CD177: variants seen among roughly 807,000 people sequenced by gnomAD.
CD177 encodes the protein CD177 antigen.
CD177 carries 41 observed loss-of-function variants against 38.1 expected under a neutral mutation model. The observed-to-expected ratio is 1.07, with a 90% CI of 0.84 to 1.39. The LOEUF (loss-of-function observed/expected upper bound fraction) is 1.39, where lower values mean the gene tolerates loss of function less well. CD177 is among the 40% of genes most tolerant of loss of function. CD177 has a pLI of 0.00. For missense variants in CD177, 619 were observed against 523.8 expected (o/e 1.18, Z -1.77); for synonymous variants, 236 against 216.7 (o/e 1.09, Z -0.78).
intron 8 of CD177, 128 bp downstream of exon 8, chr19:43,361,707 G>A: frequency 1.0e-6 from 1 of 989,562 alleles, no homozygotes; most frequent in Non-Finnish European, 1.5e-6. Flanking sequence ...CTGGACTCCT[G>A]GTCCGAGGGA....
rs1216146402 is a variant in CD177 at position 43,361,257 on chromosome 19, A to G, written c.875A>G (p.His292Arg). 2 of 1,534,814 alleles carry G rather than the reference A, an allele frequency of 1.3e-6. No homozygotes were observed. The highest frequency in any genetic ancestry group is 1.8e-6 in the Non-Finnish European group (2 of 1,114,344). Residue 292 changes from histidine to arginine, a missense_variant, in exon 7 of 9, where the codon CAC (histidine) becomes CGC (arginine). Transcript: ENST00000618265. ...GGGGTGCTTGTGGCCTCCTATACCC[A>G]CTTCTGCTCCTCGGACCTGTGCAAT... ...PPGVLVASYT[H>R]FCSSDLCNSA...
rs1158331045 is a variant in CD177, at chr19:43,353,924, T to C, written c.124T>C (p.Trp42Arg). ...GAAGGTGTCCGACCTGCCCCGGCAATGGACCCCTAAGAACACCAGCTGCGA... is the reference window on the plus strand; with the variant it reads ...GAAGGTGTCCGACCTGCCCCGGCAACGGACCCCTAAGAACACCAGCTGCGA... ...VWKVSDLPRQ[W>R]TPKNTSCDSG... Residue 42 changes from tryptophan to arginine, a missense_variant, in exon 2 of 9, where the codon TGG becomes CGG. Coordinates refer to ENST00000618265, the MANE Select transcript of CD177 (RefSeq NM_020406.4). The C allele has an allele frequency of 2.5e-6, 4 of 1,613,702 alleles. No individual in the cohort carries two copies. The highest frequency in any genetic ancestry group is 1.3e-5 in the African/African-American group (1 of 74,848).
intron 2 of CD177, 24 bp downstream of exon 2, chr19:43,354,017 G>A: frequency 6.2e-7 from 1 of 1,608,078 alleles, no homozygotes; most frequent in Non-Finnish European, 8.5e-7. Flanking sequence ...GGCGTGCAGA[G>A]ACCCCGCCCT....
In CD177 at chr19:43,354,004, C is replaced by T. The variant is rs1238898141; in HGVS notation, c.193+11C>T. The T allele has an allele frequency of 2.5e-6, 4 of 1,612,430 alleles. No individual in the cohort carries two copies. Among genetic ancestry groups the T allele is most frequent in the Non-Finnish European group, 3.4e-6 (4 of 1,179,328 alleles). On this transcript the variant is annotated intron_variant, in intron 2 of 8. Transcript: ENST00000618265. ...TGCTCATTGAGAGCGGTGAGAAGGC[C>T]CTGGCGTGCAGAGACCCCGCCCTGT...
rs761564390 is a variant in CD177 at position 43,353,708 on chromosome 19, ACGGGT to A, written c.-5_-1del. On this transcript the variant is annotated 5_prime_UTR_variant, in exon 1 of 9. Transcript: ENST00000618265. ...AGCAGAAAGAGATTACCAGCCACAG[ACGGGT>A]CATGAGCGCGGTATTACTGCTGGCC... 8.7e-6 allele frequency: 14 copies of A among 1,613,818 alleles called. No individual in the cohort carries two copies. In the East Asian group the frequency reaches 2.9e-4, roughly 33 times the overall value.
chr19:43,355,809 G>T (rs1175488205), intron 4 of CD177, 26 bp downstream of exon 4: 1 of 1,612,830 alleles, frequency 6.2e-7, no homozygotes. Context: ...CGGGGTCCCT[G>T]TGGGGACTGA....
At chr19:43,354,848 G>C (rs1221344397) in intron 3 of CD177, among the ~76,000 whole-genome samples, 6 of 152,056 alleles carry the variant, frequency 3.9e-5, no homozygotes, top group Non-Finnish European at 8.8e-5. Context: ...TATTGGAACA[G>C]CTTGTGAACA....
At chr19:43,354,612 AT>A (rs1283570677) in intron 3 of CD177, 1 of 600,806 alleles carries the variant, frequency 1.7e-6, no homozygotes, top group East Asian at 2.8e-5. Flanking sequence ...CCACCCGGGA[AT>A]CCCCGCACCC....
In CD177 at chr19:43,362,155, C is replaced by T; in HGVS notation, c.1149C>T (p.His383=). The part of the protein sequence containing the change: ...VAQPSSFLLN[H]TRQIGIFSAR... ...AACCTTCCAGCTTCTTGTTGAACCA[C>T]ACCAGACAAATCGGGATCTTCTCTG... Residue 383 remains histidine, a synonymous_variant, in exon 9 of 9, where the codon CAC becomes CAT. Transcript: ENST00000618265. The T allele has an allele frequency of 6.2e-7, 1 of 1,613,770 alleles. No homozygotes were observed. Among genetic ancestry groups the T allele is most frequent in the East Asian group, 2.2e-5 (1 of 44,862 alleles).
chr19:43,354,618 G>T (rs1231279176), intron 3 of CD177: 1 of 593,660 alleles, frequency 1.7e-6, no homozygotes, highest in African/African-American at 1.9e-5. Context: ...GGGAATCCCC[G>T]CACCCCTCCT....
intron 3 of CD177, 157 bp downstream of exon 3, chr19:43,354,549 C>T: frequency 1.3e-6 from 1 of 741,274 alleles, no homozygotes; most frequent in South Asian, 1.7e-5. Context: ...ATCGCCCCGC[C>T]CCGCTCCCTT....
At position 43,354,359 on chromosome 19, in the gene CD177, T is replaced by G. The variant is rs777535860; in HGVS notation, c.346T>G (p.Ser116Ala). The part of the protein sequence containing the change: ...QEDFCNNLVN[S>A]LPLWAPQPPA... ...GGACTTCTGCAACAACCTCGTTAAC[T>G]CCCTCCCGCTTTGGGCCCCACAGCC... Residue 116 changes from serine to alanine, a missense_variant, in exon 3 of 9, where the codon TCC (serine) becomes GCC (alanine). By Grantham distance (99) the Ser-to-Ala change is moderately conservative (BLOSUM62 1). Transcript: ENST00000618265. The G allele has an allele frequency of 5.0e-6, 8 of 1,613,532 alleles. No individual in the cohort carries two copies. The highest frequency in any genetic ancestry group is 6.8e-6 in the Non-Finnish European group (8 of 1,179,812).
rs766461474 is a variant in CD177, at chr19:43,354,186, T to TGCCTCCCTC, written c.194-20_194-12dup. Reference sequence around the variant, plus strand: ...TGGAGGCCTGACCTCCATCCTCGCTTGCCTCCCTCTTTCGGTCCAGGACCC... The same window carrying TGCCTCCCTC: ...TGGAGGCCTGACCTCCATCCTCGCTTGCCTCCCTCGCCTCCCTCTTTCGGTCCAGGACCC... On this transcript the variant is annotated intron_variant, in intron 2 of 8. Coordinates refer to ENST00000618265, the MANE Select transcript of CD177 (RefSeq NM_020406.4). The TGCCTCCCTC allele has an allele frequency of 4.4e-6, 7 of 1,606,094 alleles. No homozygotes were observed. In the Admixed American group the frequency reaches 1.0e-4, roughly 23 times the overall value.
At chr19:43,363,826 G>C (rs985134646), downstream of CD177, among the ~76,000 whole-genome samples, 1 of 152,152 alleles carries the variant, frequency 6.6e-6, no homozygotes, top group Admixed American at 6.5e-5. Context: ...GGTGGCTCAC[G>C]CCTATAATGC....
At chr19:43,365,628 T>C (rs1970020132), downstream of CD177, among the ~76,000 whole-genome samples, 1 of 142,442 alleles carries the variant, frequency 7.0e-6, no homozygotes, top group South Asian at 2.5e-4. Context: ...CCTGAGGTTC[T>C]GCCCATCTGA....
chr19:43,363,824 A>C (rs1454292459), downstream of CD177, among the ~76,000 whole-genome samples: 5 of 152,210 alleles, frequency 3.3e-5, no homozygotes, highest in African/African-American at 1.2e-4. Context: ...TCGGTGGCTC[A>C]CGCCTATAAT....
chr19:43,361,244 G>T lies in CD177; in HGVS notation c.862G>T (p.Ala288Ser), dbSNP rs1197858938. Residue 288 changes from alanine to serine, a missense_variant, in exon 7 of 9, where the codon GCC becomes TCC. Physicochemically the swap from Ala to Ser is moderately conservative, Grantham distance 99. Transcript: ENST00000618265. ...IHSAPPGVLV[A>S]SYTHFCSSDL... ...CTCAGCCCCTCCTGGGGTGCTTGTG[G>T]CCTCCTATACCCACTTCTGCTCCTC... 1.3e-6 allele frequency: 2 copies of T among 1,533,674 alleles called. No individual in the cohort carries two copies. Among genetic ancestry groups the T allele is most frequent in the Admixed American group, 1.7e-5 (1 of 58,614 alleles).
chr19:43,361,270 G>T lies in CD177; in HGVS notation c.888G>T (p.Ser296=), dbSNP rs565982174. ...CCTCCTATACCCACTTCTGCTCCTC[G>T]GACCTGTGCAATAGTGCCAGCAGCA... is the stretch of plus-strand genomic sequence containing the variant. ...LVASYTHFCS[S]DLCNSASSSS... Residue 296 remains serine, a synonymous_variant, in exon 7 of 9, where the codon TCG becomes TCT. Transcript: ENST00000618265. The T allele has an allele frequency of 6.5e-7, 1 of 1,545,412 alleles. No individual in the cohort carries two copies. Among genetic ancestry groups the T allele is most frequent in the East Asian group, 2.2e-5 (1 of 44,568 alleles).
chr19:43,355,507 A>G, intron 3 of CD177, 154 bp from the exon 4 acceptor site: 1 of 832,856 alleles, frequency 1.2e-6, no homozygotes. Flanking sequence ...TTATTTTCCC[A>G]CATCCAGATC....
Sources: gnomAD v4.1 joint callset for allele counts (sites outside exome capture counted in the v4.1 genomes callset) on GRCh38, gnomAD v4.1.1 for gene constraint, MANE v1.5 for transcripts, NCBI Gene and HGNC (gene_info 2026-07-23, HGNC 2026-07-21) for gene names.